The following C10orf67 variants were observed in gnomAD, a reference collection of about 807,000 sequenced individuals.
C10orf67 encodes chromosome 10 open reading frame 67.
In C10orf67, 60 loss-of-function variants were observed where a neutral mutation model predicts 35.6. The observed-to-expected ratio is 1.68, with a 90% CI of 1.37 to 2.09. The LOEUF (loss-of-function observed/expected upper bound fraction) is 2.09. Ranked by LOEUF, C10orf67 falls within the 30% of genes most tolerant of loss-of-function variation. The probability of loss-of-function intolerance (pLI) is 0.00; values close to 1 mark genes in which losing one functional copy is unlikely to be tolerated. For missense variants in C10orf67, 474 were observed against 330.2 expected (o/e 1.44, Z -3.38); for synonymous variants, 167 against 115.8 (o/e 1.44, Z -2.84).
chr10:23,332,995 G>C (rs972355466), intron 2 of C10orf67, 67 bp downstream of exon 2: 5 of 1,479,276 alleles, frequency 3.4e-6, no homozygotes, highest in African/African-American at 1.4e-5. Flanking sequence ...TTTTGTCTAT[G>C]AAAGAAACAT....
chr10:23,255,333 C>T (rs1325395836), intron 10 of C10orf67, among the ~76,000 whole-genome samples: 1 of 152,202 alleles, frequency 6.6e-6, no homozygotes, highest in East Asian at 1.9e-4. Flanking sequence ...AAAAACAGGA[C>T]AAGACTTTCT....
At chr10:23,315,968 G>C (rs1025152171) in intron 4 of C10orf67, among the ~76,000 whole-genome samples, 5 of 152,178 alleles carry the variant, frequency 3.3e-5, no homozygotes, top group African/African-American at 1.2e-4. Context: ...ACAAGCATGT[G>C]CCACCATGCT....
chr10:23,321,432 G>A (rs751039344), intron 3 of C10orf67, among the ~76,000 whole-genome samples: 8 of 152,130 alleles, frequency 5.3e-5, no homozygotes, highest in African/African-American at 1.2e-4. Flanking sequence ...GGCTGATCTC[G>A]AACTCCTGGG....
intron 4 of C10orf67, among the ~76,000 whole-genome samples, chr10:23,311,215 C>T (rs1844480851): frequency 6.6e-6 from 1 of 152,150 alleles, no homozygotes; most frequent in Non-Finnish European, 1.5e-5. Context: ...TTTTAACATC[C>T]CATCTTAGGG....
chr10:23,282,510 C>T (rs932335140), intron 7 of C10orf67, among the ~76,000 whole-genome samples: 1 of 152,146 alleles, frequency 6.6e-6, no homozygotes, highest in Admixed American at 6.6e-5. Flanking sequence ...CACCTGTAAT[C>T]CCAGTGCTTT....
chr10:23,219,012 C>T (rs1461526060), intron 15 of C10orf67, among the ~76,000 whole-genome samples: 1 of 152,148 alleles, frequency 6.6e-6, no homozygotes, highest in African/African-American at 2.4e-5. Context: ...ACAACAGGGG[C>T]AACTGAACTT....
intron 2 of C10orf67, among the ~76,000 whole-genome samples, chr10:23,324,156 G>T (rs1463645480): frequency 6.6e-6 from 1 of 151,060 alleles, no homozygotes; most frequent in African/African-American, 2.4e-5. Flanking sequence ...ATCTGGTGGG[G>T]TGGCTTCACC....
chr10:23,274,201 G>A (rs1843111985), intron 8 of C10orf67, among the ~76,000 whole-genome samples: 1 of 152,116 alleles, frequency 6.6e-6, no homozygotes, highest in African/African-American at 2.4e-5. Context: ...ACAAGGCAAG[G>A]GAGAAATTAG....
rs542440376 is a variant in C10orf67 at position 23,330,828 on chromosome 10, G to A, written c.327+2234C>T. On this transcript the variant is annotated intron_variant, in intron 2 of 15. Coordinates refer to ENST00000636213, the MANE Select transcript of C10orf67 (RefSeq NM_001371909.1). ...AAATCTACCTTGGCAATCAATGGGTGAAATGATCTAAGATTCTTCCGTCTT... is the reference window on the plus strand; with the variant it reads ...AAATCTACCTTGGCAATCAATGGGTAAAATGATCTAAGATTCTTCCGTCTT... Among the ~76,000 whole-genome samples, 8 of 152,208 alleles carry A rather than the reference G, an allele frequency of 5.3e-5. No homozygotes were observed. In the South Asian group the frequency reaches 1.7e-3, roughly 32 times the overall value.
At chr10:23,267,023 G>A (rs1464941610) in intron 9 of C10orf67, among the ~76,000 whole-genome samples, 172 bp downstream of exon 9, 1 of 152,158 alleles carries the variant, frequency 6.6e-6, no homozygotes, top group Admixed American at 6.6e-5. Context: ...AGGATTATAG[G>A]CATGAGCCAC....
intron 15 of C10orf67, among the ~76,000 whole-genome samples, chr10:23,213,900 A>G (rs1244599354): frequency 1.3e-5 from 2 of 152,116 alleles, no homozygotes; most frequent in African/African-American, 4.8e-5. Context: ...TAAAAAGTAG[A>G]TTTTACTAAA....
intron 12 of C10orf67, among the ~76,000 whole-genome samples, chr10:23,243,372 C>T (rs1476052012): frequency 6.6e-6 from 1 of 152,086 alleles, no homozygotes. Context: ...TAGAACTCTT[C>T]ACCCATCAGT....
At chr10:23,275,819 T>C (rs781472419) in intron 8 of C10orf67, among the ~76,000 whole-genome samples, 14 of 152,172 alleles carry the variant, frequency 9.2e-5, no homozygotes, top group Non-Finnish European at 1.9e-4. Context: ...CTAGAATTTT[T>C]TGAGGTTTTA....
downstream of C10orf67, chr10:23,202,521 T>C (rs1006640845): frequency 1.3e-5 from 2 of 151,916 alleles, no homozygotes; most frequent in Non-Finnish European, 2.9e-5. Context: ...TATGAATGCA[T>C]TTTCATCACT....
intron 4 of C10orf67, among the ~76,000 whole-genome samples, chr10:23,315,239 T>A (rs557550289): frequency 6.6e-6 from 1 of 152,234 alleles, no homozygotes; most frequent in South Asian, 2.1e-4. Context: ...AACACATATT[T>A]ATGAAAAACT....
chr10:23,218,751 T>A (rs1490588407), intron 15 of C10orf67, among the ~76,000 whole-genome samples: 2 of 152,192 alleles, frequency 1.3e-5, no homozygotes, highest in African/African-American at 4.8e-5. Flanking sequence ...CACAATTCAT[T>A]GATTAACTCC....
rs185970896 is a variant in C10orf67 at position 23,256,522 on chromosome 10, C to G, written c.1201-5831G>C. Among the ~76,000 whole-genome samples, 725 of 152,264 alleles carry G rather than the reference C, an allele frequency of 4.8e-3. 4 individuals carry two copies. Among genetic ancestry groups the G allele is most frequent in the African/African-American group, 0.016 (681 of 41,552 alleles). ...TGAGAGCCATGAACAGTTCATAGGT[C>G]TCGTCTACAGCTGAAGAAGCACCAT... On this transcript the variant is annotated intron_variant, in intron 10 of 15. Transcript: ENST00000636213.
chr10:23,325,460 C>T (rs1291787652), intron 2 of C10orf67, among the ~76,000 whole-genome samples: 1 of 140,108 alleles, frequency 7.1e-6, no homozygotes, highest in Non-Finnish European at 1.5e-5. Context: ...ATAACAAAAC[C>T]AAGATTTGGG....
chr10:23,229,271 A>C (rs986364007), intron 13 of C10orf67, among the ~76,000 whole-genome samples: 1 of 152,044 alleles, frequency 6.6e-6, no homozygotes, highest in Non-Finnish European at 1.5e-5. Context: ...GGATGATTTC[A>C]TGTCCTTTTT....
Sources: gnomAD v4.1 joint callset for allele counts (sites outside exome capture counted in the v4.1 genomes callset) on GRCh38, gnomAD v4.1.1 for gene constraint, MANE v1.5 for transcripts, NCBI Gene and HGNC (gene_info 2026-07-23, HGNC 2026-07-21) for gene names.